ITGAE: variants seen among roughly 807,000 people sequenced by gnomAD.
ITGAE encodes integrin alpha-E.
ITGAE carries 99 observed loss-of-function variants against 136.5 expected under a neutral mutation model. The ratio of observed to expected loss-of-function variants is 0.73; its 90% confidence interval spans 0.62 to 0.86. The LOEUF is 0.86. Ranked by LOEUF, ITGAE falls within the 40% of genes least tolerant of loss-of-function variation. The pLI is 0.00. For missense variants in ITGAE, 1,447 were observed against 1,515.3 expected, an observed-to-expected ratio of 0.95 and a Z score of 0.75; for synonymous variants, 613 against 591.8, an observed-to-expected ratio of 1.04 and a Z score of -0.52.
At chr17:3,796,306 G>A (rs1254013397) in intron 1 of ITGAE, among the ~76,000 whole-genome samples, 1 of 152,112 alleles carries the variant, frequency 6.6e-6, no homozygotes, top group Non-Finnish European at 1.5e-5. Context: ...AGGCCCAACA[G>A]TTTGCCTTTG....
intron 29 of ITGAE, among the ~76,000 whole-genome samples, chr17:3,719,534 C>T (rs1264167808): frequency 6.6e-6 from 1 of 152,158 alleles, no homozygotes; most frequent in Non-Finnish European, 1.5e-5. Flanking sequence ...GTCCACAAAT[C>T]ACAGGCATCA....
chr17:3,797,989 G>T (rs1180515958), intron 1 of ITGAE, among the ~76,000 whole-genome samples: 2 of 152,144 alleles, frequency 1.3e-5, no homozygotes, highest in Non-Finnish European at 2.9e-5. Context: ...CCGGCACTCA[G>T]GTCCCCACGT....
intron 1 of ITGAE, among the ~76,000 whole-genome samples, chr17:3,786,229 A>T (rs537190514): frequency 6.6e-6 from 1 of 152,028 alleles, no homozygotes; most frequent in South Asian, 2.1e-4. Context: ...TAAACTTGAC[A>T]ATCTGGGTGA....
intron 17 of ITGAE, 62 bp from the exon 18 acceptor site, chr17:3,745,989 C>T (rs2051704470): frequency 2.0e-6 from 3 of 1,493,352 alleles, no homozygotes; most frequent in Admixed American, 1.9e-5. Context: ...GACAGAAGGC[C>T]CCCAGCCTGC....
In ITGAE at chr17:3,739,874, G is replaced by A. The variant is rs765956135; in HGVS notation, c.2453C>T (p.Pro818Leu). ...CTTATTCTTGCAGGCCTTCTCATAG[G>A]GCAGCTGTAACCAGACAGAGAGTCC... ...YTEPFAIFQL[P>L]YEKACKNKLF... The change falls in exon 20 of 31, where the codon CCC becomes CTC. Residue 818 changes from proline (P) to leucine (L), a missense_variant. Pro to Leu is a moderately conservative substitution (Grantham distance 98). Transcript: ENST00000263087. 1.2e-6 allele frequency: 2 copies of A among 1,613,916 alleles called. No individual in the cohort carries two copies. Among genetic ancestry groups the A allele is most frequent in the South Asian group, 1.1e-5 (1 of 91,080 alleles).
intron 26 of ITGAE, chr17:3,726,110 G>A (rs1175464849): frequency 2.5e-6 from 4 of 1,614,104 alleles, no homozygotes; most frequent in Admixed American, 1.7e-5. Context: ...ACAGGCTCAT[G>A]AAGAAGGAGA....
At chr17:3,792,675 C>T (rs537000093) in intron 1 of ITGAE, among the ~76,000 whole-genome samples, 52 of 152,342 alleles carry the variant, frequency 3.4e-4, no homozygotes, top group African/African-American at 1.1e-3. Context: ...CTGAACACAG[C>T]GCTGGCTCAC....
At chr17:3,751,623 G>A in intron 15 of ITGAE, 27 bp downstream of exon 15, 1 of 1,596,260 alleles carries the variant, frequency 6.3e-7, no homozygotes, top group Non-Finnish European at 8.6e-7. Context: ...CCCCAGAGGA[G>A]AGGAAGGAGA....
intron 21 of ITGAE, among the ~76,000 whole-genome samples, chr17:3,734,077 G>A (rs1293869918): frequency 6.6e-6 from 1 of 152,122 alleles, no homozygotes; most frequent in Non-Finnish European, 1.5e-5. Flanking sequence ...TTTCTTTCTT[G>A]TTTTTTCTTT....
chr17:3,753,860 T>G lies in ITGAE; in HGVS notation c.1450A>C (p.Lys484Gln). 6.2e-7 allele frequency: 1 copy of G among 1,614,160 alleles called. No individual in the cohort carries two copies. Among genetic ancestry groups the G allele is most frequent in the Non-Finnish European group, 8.5e-7 (1 of 1,180,016 alleles). The change falls in exon 13 of 31, where the codon AAA (lysine) becomes CAA (glutamine). Residue 484 changes from lysine to glutamine, a missense_variant. By Grantham distance (53) the Lys-to-Gln change is moderately conservative (BLOSUM62 1). This residue lies in a region of ITGAE where 1,031 missense variants were observed against 1,011.4 expected (regional missense o/e 1.02). Coordinates refer to ENST00000263087, the MANE Select transcript of ITGAE (RefSeq NM_002208.5). The stretch of plus-strand genomic sequence containing the variant: ...AGCTCAAACACGGCCCCATGATGTT[T>G]GTACCGTGGAGCCCCCGCGATGTAG... ...LSYIAGAPRY[K>Q]HHGAVFELQK...
chr17:3,785,810 C>T (rs994381259), intron 1 of ITGAE, among the ~76,000 whole-genome samples: 1 of 150,428 alleles, frequency 6.6e-6, no homozygotes, highest in Non-Finnish European at 1.5e-5. Flanking sequence ...AAAGAGAACA[C>T]ACAAATTACC....
intron 20 of ITGAE, 144 bp from the exon 21 acceptor site, chr17:3,735,093 A>T: frequency 2.3e-6 from 2 of 859,098 alleles, no homozygotes; most frequent in East Asian, 5.1e-5. Flanking sequence ...TCCTGGGTTC[A>T]AGTGATCCTC....
intron 12 of ITGAE, among the ~76,000 whole-genome samples, 183 bp downstream of exon 12, chr17:3,754,934 C>A (rs1301214617): frequency 1.6e-5 from 2 of 124,156 alleles, no homozygotes; most frequent in Non-Finnish European, 3.5e-5. Context: ...AGCCCCCAGG[C>A]CCCACCCTCG....
At chr17:3,731,065 G>T (rs2051330405) in intron 23 of ITGAE, 39 bp downstream of exon 23, 2 of 1,537,526 alleles carry the variant, frequency 1.3e-6, no homozygotes, top group Non-Finnish European at 1.8e-6. Flanking sequence ...GTCTTCCGGG[G>T]TCATAGCCTG....
chr17:3,742,449 G>T (rs967858930), intron 19 of ITGAE, among the ~76,000 whole-genome samples: 4 of 131,090 alleles, frequency 3.1e-5, no homozygotes, highest in Non-Finnish European at 4.6e-5. Context: ...TATATTGAAG[G>T]TTTGTGGTTT....
intron 2 of ITGAE, among the ~76,000 whole-genome samples, chr17:3,774,288 G>A (rs966750011): frequency 6.6e-6 from 1 of 152,114 alleles, no homozygotes; most frequent in South Asian, 2.1e-4. Flanking sequence ...GGGATGAGGA[G>A]GTAACCATCC....
chr17:3,729,322 A>G (rs2051288708), intron 24 of ITGAE, 156 bp downstream of exon 24: 1 of 643,564 alleles, frequency 1.6e-6, no homozygotes, highest in African/African-American at 1.8e-5. Context: ...TTAGCACCCT[A>G]GAGATCAATA....
intron 20 of ITGAE, 40 bp from the exon 21 acceptor site, chr17:3,734,989 TC>T: frequency 6.2e-7 from 1 of 1,611,996 alleles, no homozygotes. Context: ...GTTTATTTCA[TC>T]TGTAAAAACC....
intron 1 of ITGAE, among the ~76,000 whole-genome samples, chr17:3,788,155 G>A (rs2052843552): frequency 6.8e-6 from 1 of 147,158 alleles, no homozygotes; most frequent in Non-Finnish European, 1.5e-5. Context: ...AATTTGTGTT[G>A]CAATTATTTT....
Sources: gnomAD v4.1 joint callset for allele counts (sites outside exome capture counted in the v4.1 genomes callset) on GRCh38, gnomAD v4.1.1 for gene constraint, gnomAD v4.1.1 regional missense constraint, MANE v1.5 for transcripts, NCBI Gene and HGNC (gene_info 2026-07-23, HGNC 2026-07-21) for gene names.